FBXO16: variants seen among roughly 807,000 people sequenced by gnomAD.
FBXO16 encodes the protein F-box only protein 16.
In FBXO16, 31 loss-of-function variants were observed where a neutral mutation model predicts 41.0. The ratio of observed to expected loss-of-function variants is 0.76; its 90% CI spans 0.57 to 1.02. The LOEUF is 1.02. Among genes scored for constraint, FBXO16 ranks in the 50% least tolerant of loss-of-function variants. The pLI, the probability that FBXO16 is intolerant of heterozygous loss-of-function variation, is 0.00. For missense variants in FBXO16, 361 were observed against 346.2 expected (o/e 1.04, Z -0.34); for synonymous variants, 133 against 117.8 (o/e 1.13, Z -0.84).
At chr8:28,485,638 G>T (rs1803590156) in intron 1 of FBXO16, among the ~76,000 whole-genome samples, 1 of 152,156 alleles carries the variant, frequency 6.6e-6, no homozygotes, top group South Asian at 2.1e-4. Flanking sequence ...TCCTTCAGTT[G>T]CCTGTTGCCA....
Position 28,434,065 on chromosome 8 carries a change from A to G in FBXO16, c.844-4662T>C, listed in dbSNP as rs371977160. On this transcript the variant is annotated intron_variant, in intron 7 of 8. Coordinates refer to ENST00000380254, the MANE Select transcript of FBXO16 (RefSeq NM_172366.4). ...AACCTCTGCCTCCTGGGCTCAAGCT[A>G]TTCTTCTGCCTCAGCCTACTGAGTA... Among the ~76,000 whole-genome samples, 36 of 148,188 alleles carry G rather than the reference A, an allele frequency of 2.4e-4. 1 individual carries two copies. In the South Asian group the frequency reaches 4.6e-3, roughly 19 times the overall value.
At chr8:28,436,780 G>T (rs545344776) in intron 7 of FBXO16, among the ~76,000 whole-genome samples, 4 of 152,164 alleles carry the variant, frequency 2.6e-5, no homozygotes, top group Middle Eastern at 3.4e-3. Context: ...TTAAGACAGG[G>T]TCTCACTGTC....
rs1026216085 is a variant in FBXO16 at position 28,436,116 on chromosome 8, G to A, written c.844-6713C>T. On this transcript the variant is annotated intron_variant, in intron 7 of 8. Coordinates refer to ENST00000380254, the MANE Select transcript of FBXO16 (RefSeq NM_172366.4). Reference sequence around the variant, plus strand: ...GAGATGGCTGAGGAGGTCCTCCCTCGGGGGCCTTCTTCTAAGAAGAAGGCC... The same window carrying A: ...GAGATGGCTGAGGAGGTCCTCCCTCAGGGGCCTTCTTCTAAGAAGAAGGCC... Among the ~76,000 whole-genome samples, 14 of 152,068 alleles carry A rather than the reference G, an allele frequency of 9.2e-5. No individual in the cohort carries two copies. In the East Asian group the frequency reaches 1.3e-3, roughly 15 times the overall value.
In FBXO16 at chr8:28,447,020, G is replaced by T. The variant is rs1225370754; in HGVS notation, c.843+151C>A. 1.8e-5 allele frequency: 11 copies of T among 623,354 alleles called. No individual in the cohort carries two copies. The Admixed American group carries it at 3.3e-4, about 19-fold the overall frequency. The allele number at this position is 623,354 out of a possible 1,614,324, so 38.6% of individuals were successfully genotyped here. A position where few individuals can be genotyped will look rare whatever the true frequency, so the allele number is the denominator to read the frequency against. On this transcript the variant is annotated intron_variant, in intron 7 of 8. Coordinates refer to ENST00000380254, the MANE Select transcript of FBXO16 (RefSeq NM_172366.4). Reference sequence around the variant, plus strand: ...AATAAAGTGTATCTTCAAGGTCATGGCTTCTCTGCCAGTCAGTGTCAGAAA... The same window carrying T: ...AATAAAGTGTATCTTCAAGGTCATGTCTTCTCTGCCAGTCAGTGTCAGAAA...
At chr8:28,442,643 C>G (rs1802798826) in intron 7 of FBXO16, among the ~76,000 whole-genome samples, 1 of 152,138 alleles carries the variant, frequency 6.6e-6, no homozygotes, top group African/African-American at 2.4e-5. Flanking sequence ...CTCAGCCTCC[C>G]AAAGTGCTGG....
intron 4 of FBXO16, among the ~76,000 whole-genome samples, chr8:28,462,970 T>C (rs1198070879): frequency 1.3e-5 from 2 of 152,248 alleles, no homozygotes; most frequent in East Asian, 3.8e-4. Context: ...GAACCATTTC[T>C]TACATGTATA....
At chr8:28,428,860 T>C in intron 8 of FBXO16, 124 bp from the exon 9 acceptor site, 1 of 1,146,384 alleles carries the variant, frequency 8.7e-7, no homozygotes, top group South Asian at 1.7e-5. Context: ...TGGGATTTAT[T>C]GAGATTTCCC....
In FBXO16 at chr8:28,442,763, G is replaced by T. The variant is rs373110445; in HGVS notation, c.843+4408C>A. ...AAGGCAGCACTTGGGGTCCGCTTTA[G>T]AATCAAAAGCAGAAGAGCAAATCAG... On this transcript the variant is annotated intron_variant, in intron 7 of 8. Transcript: ENST00000380254. 9.8e-5 allele frequency among the ~76,000 whole-genome samples: 15 copies of T among 152,302 alleles called. No individual in the cohort carries two copies. The East Asian group carries it at 2.5e-3, about 25-fold the overall frequency.
chr8:28,433,295 T>A (rs961583606), intron 7 of FBXO16, among the ~76,000 whole-genome samples: 1 of 152,196 alleles, frequency 6.6e-6, no homozygotes. Context: ...TGCAATGCCA[T>A]GCGTTTGACA....
intron 7 of FBXO16, among the ~76,000 whole-genome samples, chr8:28,441,693 G>A (rs998934042): frequency 2.9e-4 from 42 of 144,150 alleles, no homozygotes; most frequent in African/African-American, 1.0e-3. Flanking sequence ...CCGAGATCGC[G>A]CCATTGCACT....
In FBXO16 at chr8:28,470,277, G is replaced by A. The variant is rs553529573; in HGVS notation, c.135+3495C>T. On this transcript the variant is annotated intron_variant, in intron 3 of 8. Transcript: ENST00000380254. Reference sequence around the variant, plus strand: ...ATGTCCTGATATGTAATGAACTCCAGAGCTTTTTGTCTTCTCATTCAGTCA... The same window carrying A: ...ATGTCCTGATATGTAATGAACTCCAAAGCTTTTTGTCTTCTCATTCAGTCA... 2.0e-5 allele frequency among the ~76,000 whole-genome samples: 3 copies of A among 152,200 alleles called. No individual in the cohort carries two copies. In the East Asian group the frequency reaches 5.8e-4, roughly 29 times the overall value.
At position 28,455,391 on chromosome 8, in the gene FBXO16, T is replaced by C. The variant is rs959301305; in HGVS notation, c.507+1375A>G. On this transcript the variant is annotated intron_variant, in intron 5 of 8. Coordinates refer to ENST00000380254, the MANE Select transcript of FBXO16 (RefSeq NM_172366.4). ...AGCTGGAACTGCAAGAGTGTGCTAC[T>C]GCACCCAGCTAATTTTTAAATTTTC... is the stretch of plus-strand genomic sequence containing the variant. Among the ~76,000 whole-genome samples the C allele has an allele frequency of 2.0e-5, 3 of 152,104 alleles. No individual in the cohort carries two copies. In the East Asian group the frequency reaches 5.8e-4, roughly 29 times the overall value.
intron 1 of FBXO16, among the ~76,000 whole-genome samples, chr8:28,484,528 C>T (rs1803569365): frequency 6.6e-6 from 1 of 152,244 alleles, no homozygotes; most frequent in African/African-American, 2.4e-5. Flanking sequence ...AAGAGATGGT[C>T]ATGAGACCAG....
At chr8:28,460,944 C>T (rs889012445) in intron 4 of FBXO16, among the ~76,000 whole-genome samples, 6 of 152,080 alleles carry the variant, frequency 3.9e-5, no homozygotes, top group African/African-American at 1.4e-4. Context: ...CCATAATACC[C>T]AGGCCAGTCT....
At chr8:28,439,779 C>A (rs1174943074) in intron 7 of FBXO16, among the ~76,000 whole-genome samples, 1 of 151,686 alleles carries the variant, frequency 6.6e-6, no homozygotes, top group Non-Finnish European at 1.5e-5. Flanking sequence ...ATTTAAAAAA[C>A]CCCCAACACC....
In FBXO16 at chr8:28,445,145, C is replaced by G. The variant is rs561733351; in HGVS notation, c.843+2026G>C. On this transcript the variant is annotated intron_variant, in intron 7 of 8. Coordinates refer to ENST00000380254, the MANE Select transcript of FBXO16 (RefSeq NM_172366.4). ...TATGCTCTTTATCAAAACTACGAAA[C>G]ATAAATAGTGATTATAATTAGTATA... Among the ~76,000 whole-genome samples, 21 of 152,130 alleles carry G rather than the reference C, an allele frequency of 1.4e-4. 1 individual carries two copies. Among genetic ancestry groups the G allele is most frequent in the African/African-American group, 5.1e-4 (21 of 41,474 alleles).
intron 6 of FBXO16, chr8:28,447,505 C>G (rs1802883766): frequency 2.1e-6 from 1 of 476,440 alleles, no homozygotes; most frequent in Non-Finnish European, 3.8e-6. Context: ...TTTCTATATT[C>G]AACTGTGGAA....
Position 28,435,852 on chromosome 8 carries a change from C to T in FBXO16, c.844-6449G>A, listed in dbSNP as rs185257055. On this transcript the variant is annotated intron_variant, in intron 7 of 8. Coordinates refer to ENST00000380254, the MANE Select transcript of FBXO16 (RefSeq NM_172366.4). ...AGGCTTTCAACTGTCTATAGCTTGGCGGTGGGATTTCACCAGGGACCCACC... is the reference window on the plus strand; with the variant it reads ...AGGCTTTCAACTGTCTATAGCTTGGTGGTGGGATTTCACCAGGGACCCACC... Among the ~76,000 whole-genome samples the T allele has an allele frequency of 5.6e-4, 85 of 152,260 alleles. No individual in the cohort carries two copies. In the Middle Eastern group the frequency reaches 0.02, roughly 37 times the overall value.
intron 2 of FBXO16, among the ~76,000 whole-genome samples, chr8:28,475,996 C>A (rs2130187184): frequency 6.6e-6 from 1 of 152,290 alleles, no homozygotes; most frequent in Middle Eastern, 3.4e-3. Flanking sequence ...GATTCCTCAC[C>A]AGATCCTTGG....
Sources: allele counts gnomAD v4.1 joint callset (sites outside exome capture counted in the v4.1 genomes callset), GRCh38; gene constraint gnomAD v4.1.1; transcripts MANE v1.5; gene names NCBI Gene and HGNC (gene_info 2026-07-23, HGNC 2026-07-21).